The following ATP5F1A variants were observed in gnomAD, a reference collection of about 807,000 sequenced individuals.
ATP5F1A encodes the protein ATP synthase F(1) complex subunit alpha, mitochondrial.
In ATP5F1A, 24 loss-of-function variants were observed where a neutral mutation model predicts 57.4. The observed-to-expected ratio is 0.42, with a 90% CI of 0.30 to 0.59. The LOEUF is 0.59. Among genes scored for constraint, ATP5F1A ranks in the 20% least tolerant of loss-of-function variants. The pLI, the probability that ATP5F1A is intolerant of heterozygous loss-of-function variation, is 0.19. For synonymous variants in ATP5F1A, 251 were observed against 255.5 expected, an observed-to-expected ratio of 0.98 and a Z score of 0.17; for missense variants, 494 against 707.9, an observed-to-expected ratio of 0.70 and a Z score of 3.43.
upstream of ATP5F1A, chr18:46,098,491 C>A: frequency 8.7e-7 from 1 of 1,149,030 alleles, no homozygotes; most frequent in Non-Finnish European, 1.1e-6. Context: ...TCCTGGCATT[C>A]GTTATACATT....
chr18:46,086,105 C>A lies in ATP5F1A; in HGVS notation c.1429+8G>T. ...GAACCTGACCAAATGAAGAAAAGAA[C>A]AACTTACAATACTGTCCTTGCTTCA... On this transcript the variant is annotated splice_region_variant and intron_variant, in intron 10 of 11. Transcript: ENST00000398752. 6.2e-7 allele frequency: 1 copy of A among 1,610,632 alleles called. No individual in the cohort carries two copies. The highest frequency in any genetic ancestry group is 8.5e-7 in the Non-Finnish European group (1 of 1,179,338).
In ATP5F1A at chr18:46,098,285, T is replaced by G; in HGVS notation, c.-54A>C. ...CTGCAGCCGCAGCCTCCGGACTGACTGGGACAAAATGGCCGAGCCGCAAAG... is the reference window on the plus strand; with the variant it reads ...CTGCAGCCGCAGCCTCCGGACTGACGGGGACAAAATGGCCGAGCCGCAAAG... On this transcript the variant is annotated 5_prime_UTR_variant, in exon 1 of 12. Transcript: ENST00000398752. 7 of 1,537,976 alleles carry G rather than the reference T, an allele frequency of 4.6e-6. No individual in the cohort carries two copies. Among genetic ancestry groups the G allele is most frequent in the South Asian group, 3.5e-5 (3 of 85,482 alleles).
intron 2 of ATP5F1A, among the ~76,000 whole-genome samples, chr18:46,092,632 T>TAC (rs1910649303): frequency 6.8e-6 from 1 of 146,570 alleles, no homozygotes; most frequent in Admixed American, 6.9e-5. Context: ...TATATATATA[T>TAC]ATATTCTACA....
chr18:46,094,406 C>T (rs574976740), intron 2 of ATP5F1A, among the ~76,000 whole-genome samples: 1 of 151,984 alleles, frequency 6.6e-6, no homozygotes, highest in African/African-American at 2.4e-5. Flanking sequence ...CAGTGGCTCA[C>T]GCCTTTAATC....
chr18:46,086,000 A>T, intron 10 of ATP5F1A, 113 bp downstream of exon 10: 2 of 1,175,784 alleles, frequency 1.7e-6, no homozygotes, highest in Non-Finnish European at 2.3e-6. Flanking sequence ...TTGATGAAAG[A>T]TAACAGATAA....
At position 46,091,724 on chromosome 18, in the gene ATP5F1A, A is replaced by G. The variant is rs182134517; in HGVS notation, c.267T>C (p.Asn89=). ...DGIARVHGLR[N]VQAEEMVEFS... is the part of the protein sequence containing the mutation. ...ACTCTACCATTTCTTCTGCTTGAAC[A>G]TTCCTCAGCCCATGTACGCGGGCAA... The change falls in exon 3 of 12, where the codon AAT becomes AAC. Residue 89 remains asparagine (N), a synonymous_variant. Coordinates refer to ENST00000398752, the MANE Select transcript of ATP5F1A (RefSeq NM_004046.6). 284 of 1,611,684 alleles carry G rather than the reference A, an allele frequency of 1.8e-4. 4 individuals are homozygous for G. The East Asian group carries it at 5.0e-3, about 28-fold the overall frequency.
intron 2 of ATP5F1A, among the ~76,000 whole-genome samples, chr18:46,094,099 C>T (rs1599785689): frequency 6.7e-6 from 1 of 149,886 alleles, no homozygotes; most frequent in African/African-American, 2.5e-5. Flanking sequence ...AAGAGCAAAA[C>T]TCCATCTCAA....
rs1909847906 is a variant in ATP5F1A at position 46,082,978 on chromosome 18, A to C, written c.*1304T>G. On this transcript the variant is annotated 3_prime_UTR_variant, in exon 12 of 12. Coordinates refer to ENST00000398752, the MANE Select transcript of ATP5F1A (RefSeq NM_004046.6). ...GGCAGGAGAATCGCTTGAACCCAGG[A>C]GGTGAAAGGTGCAGTGAGCTGAGAT... 1 of 152,168 alleles carries C rather than the reference A, an allele frequency of 6.6e-6. No homozygotes were observed. The highest frequency in any genetic ancestry group is 2.1e-4 in the South Asian group (1 of 4,828). 9.4% of individuals were successfully genotyped at this position (152,168 alleles called of 1,614,324 possible). A position where few individuals can be genotyped will look rare whatever the true frequency, so the allele number is the denominator to read the frequency against.
At chr18:46,098,329 C>A, upstream of ATP5F1A, 5 of 1,445,202 alleles carry the variant, frequency 3.5e-6, no homozygotes, top group Non-Finnish European at 4.6e-6. Context: ...GACAGCCGGC[C>A]CACCTGACCC....
Position 46,084,350 on chromosome 18 carries a change from T to A in ATP5F1A, c.1594A>T (p.Ile532Phe). The A allele has an allele frequency of 3.1e-6, 5 of 1,613,362 alleles. No individual in the cohort carries two copies. In the South Asian group the frequency reaches 4.4e-5, roughly 14 times the overall value. ...LLGTIRADGK[I>F]SEQSDAKLKE... ...AGCTTTGCATCTGATTGTTCTGAGA[T>A]CTTTCCATCAGCCCTATTTGGAAAT... The change falls in exon 12 of 12, where the codon ATC (isoleucine) becomes TTC (phenylalanine). Residue 532 changes from isoleucine to phenylalanine, a missense_variant. Transcript: ENST00000398752.
chr18:46,092,220 A>AATAATG (rs1910615648), intron 2 of ATP5F1A: 1 of 69,964 alleles, frequency 1.4e-5, no homozygotes. Flanking sequence ...TAATAATAAT[A>AATAATG]ATAATAATAA....
intron 2 of ATP5F1A, among the ~76,000 whole-genome samples, chr18:46,094,343 A>C (rs1228992541): frequency 6.6e-6 from 1 of 152,100 alleles, no homozygotes; most frequent in African/African-American, 2.4e-5. Flanking sequence ...CAGATTGCCA[A>C]ATATCTAGTA....
At chr18:46,090,117 G>A in intron 3 of ATP5F1A, 121 bp from the exon 4 acceptor site, 3 of 860,276 alleles carry the variant, frequency 3.5e-6, no homozygotes, top group South Asian at 2.2e-5. Flanking sequence ...CTTTTCACCT[G>A]GTTTATTCTT....
chr18:46,090,078 CG>C, intron 3 of ATP5F1A, 82 bp from the exon 4 acceptor site: 61 of 91,574 alleles, frequency 6.7e-4, no homozygotes, highest in Middle Eastern at 1.3e-3. Context: ...AGAAAATAGT[CG>C]GGGGGTGGGG....
upstream of ATP5F1A, among the ~76,000 whole-genome samples, chr18:46,101,058 T>C (rs1323321109): frequency 6.6e-6 from 1 of 151,732 alleles, no homozygotes; most frequent in African/African-American, 2.4e-5. Context: ...GGCGACAGAG[T>C]GAGACTCCAT....
In ATP5F1A at chr18:46,095,074, T is replaced by C. The variant is rs1404974041; in HGVS notation, c.118A>G (p.Asn40Asp). The C allele has an allele frequency of 1.2e-6, 2 of 1,613,674 alleles. No homozygotes were observed. The highest frequency in any genetic ancestry group is 1.3e-5 in the African/African-American group (1 of 75,002). ...TTACCAGTCTTTTGAAGATGAGTGTTAGAGGCATGGAAGTTCCTTGCAGCA... is the reference window on the plus strand; with the variant it reads ...TTACCAGTCTTTTGAAGATGAGTGTCAGAGGCATGGAAGTTCCTTGCAGCA... Reference protein sequence around the residue: ...FIAARNFHASNTHLQKTGTAE... With the variant: ...FIAARNFHASDTHLQKTGTAE... Residue 40 changes from asparagine to aspartate, a missense_variant, in exon 2 of 12, where the codon AAC becomes GAC. By Grantham distance (23) the Asn-to-Asp change is conservative. Around this residue, in one of 6 missense-constraint regions of ATP5F1A, gnomAD observed 142 missense variants for 137.5 expected, o/e 1.03. Coordinates refer to ENST00000398752, the MANE Select transcript of ATP5F1A (RefSeq NM_004046.6).
chr18:46,098,144 C>A (rs921157184), intron 1 of ATP5F1A, 28 bp downstream of exon 1: 1 of 1,591,912 alleles, frequency 6.3e-7, no homozygotes, highest in Admixed American at 1.7e-5. Context: ...ACCCGGCCGC[C>A]TGCATCATGC....
At chr18:46,084,860 G>A in intron 10 of ATP5F1A, 1 of 492,590 alleles carries the variant, frequency 2.0e-6, no homozygotes, top group South Asian at 4.7e-5. Flanking sequence ...TATTTTCAAG[G>A]CTTGAGGCAT....
At chr18:46,097,429 T>C (rs1911045461) in intron 1 of ATP5F1A, among the ~76,000 whole-genome samples, 3 of 152,136 alleles carry the variant, frequency 2.0e-5, no homozygotes, top group Non-Finnish European at 4.4e-5. Context: ...TCTCTTTTAC[T>C]TGAATTCTCC....
Sources: allele counts gnomAD v4.1 joint callset (sites outside exome capture counted in the v4.1 genomes callset), GRCh38; gene constraint gnomAD v4.1.1; regional missense constraint gnomAD v4.1.1; transcripts MANE v1.5; gene names NCBI Gene and HGNC (gene_info 2026-07-23, HGNC 2026-07-21).